CDH13: variants seen among roughly 807,000 people sequenced by gnomAD.
CDH13 encodes the protein cadherin-13.
CDH13 carries 24 observed loss-of-function variants against 63.8 expected under a neutral mutation model. That is an observed-to-expected ratio of 0.38 (90% CI 0.27 to 0.53). CDH13 has a LOEUF of 0.53. Ranked by LOEUF, CDH13 falls within the 20% of genes least tolerant of loss-of-function variation. The pLI is 0.85. For missense variants in CDH13, 1,049 were observed against 903.1 expected, an observed-to-expected ratio of 1.16 and a Z score of -2.07; for synonymous variants, 503 against 355.3, an observed-to-expected ratio of 1.42 and a Z score of -4.67.
intron 8 of CDH13, among the ~76,000 whole-genome samples, chr16:83,608,984 G>C (rs1409130873): frequency 1.3e-5 from 2 of 151,968 alleles, no homozygotes; most frequent in Non-Finnish European, 2.9e-5. Flanking sequence ...CTTCTAGCAG[G>C]GTTGATAGAA....
chr16:82,938,315 G>A (rs1159066137), intron 2 of CDH13, among the ~76,000 whole-genome samples: 1 of 152,200 alleles, frequency 6.6e-6, no homozygotes, highest in East Asian at 1.9e-4. Context: ...AGAGCGCTAA[G>A]CTTCCTGGCG....
At chr16:83,742,933 T>C (rs1893014929) in intron 10 of CDH13, among the ~76,000 whole-genome samples, 1 of 152,072 alleles carries the variant, frequency 6.6e-6, no homozygotes, top group Non-Finnish European at 1.5e-5. Flanking sequence ...ACTGGCCAGG[T>C]GCGGTGGCTC....
rs1475078544 is a variant in CDH13, at chr16:82,729,602, G to A, written c.45+102465G>A. On this transcript the variant is annotated intron_variant, in intron 1 of 13. Coordinates refer to ENST00000567109, the MANE Select transcript of CDH13 (RefSeq NM_001257.5). Reference sequence around the variant, plus strand: ...GCTTTTTAAAAGTAGCACTGCAAGAGTAATTTAGGATGATTATTTAGGGCC... The same window carrying A: ...GCTTTTTAAAAGTAGCACTGCAAGAATAATTTAGGATGATTATTTAGGGCC... 4.6e-5 allele frequency among the ~76,000 whole-genome samples: 7 copies of A among 152,082 alleles called. 1 individual carries two copies.
intron 1 of CDH13, among the ~76,000 whole-genome samples, chr16:82,693,616 A>T (rs918102339): frequency 6.6e-6 from 1 of 152,224 alleles, no homozygotes; most frequent in African/African-American, 2.4e-5. Flanking sequence ...ACATGCCAAG[A>T]TGCAGGACCA....
At chr16:83,395,615 G>C (rs558288566) in intron 6 of CDH13, among the ~76,000 whole-genome samples, 2 of 152,166 alleles carry the variant, frequency 1.3e-5, no homozygotes, top group South Asian at 2.1e-4. Flanking sequence ...TTTTCCTTCA[G>C]CCTGGTCATT....
intron 1 of CDH13, among the ~76,000 whole-genome samples, chr16:82,655,770 C>T (rs1033283603): frequency 2.0e-5 from 3 of 152,166 alleles, no homozygotes; most frequent in African/African-American, 4.8e-5. Flanking sequence ...ATGAAATAGG[C>T]ATTGCCCTTA....
chr16:82,850,397 C>T (rs1052383035), intron 1 of CDH13, among the ~76,000 whole-genome samples: 1 of 152,182 alleles, frequency 6.6e-6, no homozygotes, highest in Non-Finnish European at 1.5e-5. Context: ...GTGTGAATTG[C>T]TGCAAGCTCA....
chr16:82,629,457 C>G (rs1232088747), intron 1 of CDH13, among the ~76,000 whole-genome samples: 1 of 152,156 alleles, frequency 6.6e-6, no homozygotes, highest in African/African-American at 2.4e-5. Context: ...GTGCAGAACT[C>G]TGTGTGCCAT....
At chr16:83,747,595 ACT>A (rs5818467) in intron 10 of CDH13, among the ~76,000 whole-genome samples, 16,282 of 150,474 alleles carry the variant, frequency 0.11, 1,147 homozygotes, top group Non-Finnish European at 0.16. Flanking sequence ...CTGTCCTCTC[ACT>A]CTCTGATGAC....
chr16:83,156,213 C>T (rs765369471), intron 4 of CDH13, among the ~76,000 whole-genome samples: 42 of 152,194 alleles, frequency 2.8e-4, no homozygotes, highest in Admixed American at 6.5e-4. Context: ...AATCAGTACA[C>T]ACCATAATGC....
intron 6 of CDH13, among the ~76,000 whole-genome samples, chr16:83,402,263 A>T (rs4782787): frequency 0.042 from 6,328 of 152,268 alleles, 208 homozygotes; most frequent in Non-Finnish European, 0.064. Context: ...CCTATTGACC[A>T]TATAGTTTGC....
chr16:82,944,811 A>G (rs1292528657), intron 2 of CDH13, among the ~76,000 whole-genome samples: 1 of 152,192 alleles, frequency 6.6e-6, no homozygotes, highest in Non-Finnish European at 1.5e-5. Context: ...AGACTGATAC[A>G]TTTGTACCTA....
intron 10 of CDH13, among the ~76,000 whole-genome samples, chr16:83,709,578 A>G (rs1476478019): frequency 2.6e-5 from 4 of 152,250 alleles, no homozygotes; most frequent in Non-Finnish European, 2.9e-5. Flanking sequence ...ACACCCTGTA[A>G]ACATGTATTT....
At chr16:83,290,125 G>C (rs1457401194) in intron 5 of CDH13, among the ~76,000 whole-genome samples, 1 of 152,156 alleles carries the variant, frequency 6.6e-6, no homozygotes, top group African/African-American at 2.4e-5. Flanking sequence ...TTAGTCAGAT[G>C]CATGTTGTTG....
chr16:83,740,852 A>T (rs140144738), intron 10 of CDH13, among the ~76,000 whole-genome samples: 1 of 152,192 alleles, frequency 6.6e-6, no homozygotes, highest in African/African-American at 2.4e-5. Flanking sequence ...TCTTGTCCAC[A>T]TCTGCTGGTT....
chr16:83,227,255 C>T (rs2039868280), intron 5 of CDH13, among the ~76,000 whole-genome samples: 1 of 152,202 alleles, frequency 6.6e-6, no homozygotes, highest in Non-Finnish European at 1.5e-5. Flanking sequence ...ACACCTGTAG[C>T]ACTGTGGCAT....
chr16:83,431,176 C>A (rs1430581305), intron 6 of CDH13, among the ~76,000 whole-genome samples: 1 of 151,824 alleles, frequency 6.6e-6, no homozygotes, highest in Non-Finnish European at 1.5e-5. Flanking sequence ...CATAGTATTC[C>A]ATGGTGTATA....
intron 8 of CDH13, among the ~76,000 whole-genome samples, chr16:83,656,088 TC>T (rs1168916303): frequency 1.3e-5 from 2 of 152,124 alleles, no homozygotes; most frequent in Non-Finnish European, 2.9e-5. Context: ...CATTCTCCAT[TC>T]CCACCCCTCA....
intron 13 of CDH13, among the ~76,000 whole-genome samples, chr16:83,790,486 A>T (rs1167614044): frequency 6.6e-6 from 1 of 151,846 alleles, no homozygotes; most frequent in Non-Finnish European, 1.5e-5. Context: ...CGCAAGCTCC[A>T]CCTCCCGGAT....
Sources: gnomAD v4.1 joint callset for allele counts (sites outside exome capture counted in the v4.1 genomes callset) on GRCh38, gnomAD v4.1.1 for gene constraint, MANE v1.5 for transcripts, NCBI Gene and HGNC (gene_info 2026-07-23, HGNC 2026-07-21) for gene names.